The following B3GALT1 variants were observed in gnomAD, a reference collection of about 807,000 sequenced individuals.
The protein encoded by B3GALT1 is beta-1,3-galactosyltransferase 1, also known as UDP-Gal:betaGlcNAc beta 1,3-galactosyltransferase, polypeptide 1.
B3GALT1 carries 10 observed loss-of-function variants against 23.2 expected under a neutral mutation model. That is an observed-to-expected ratio of 0.43 (90% CI 0.27 to 0.73). The LOEUF (loss-of-function observed/expected upper bound fraction) is 0.73, where lower values mean the gene tolerates loss of function less well. Ranked by LOEUF, B3GALT1 falls within the 30% of genes least tolerant of loss-of-function variation. B3GALT1 has a pLI of 0.21. For synonymous variants in B3GALT1, 156 were observed against 141.5 expected (o/e 1.10, Z -0.73); for missense variants, 299 against 405.4 (o/e 0.74, Z 2.25).
In B3GALT1 at chr2:167,694,384, CAA is replaced by C. The variant is rs371773368; in HGVS notation, c.-352+47419_-352+47420del. On this transcript the variant is annotated intron_variant, in intron 3 of 4. Transcript: ENST00000392690. Reference sequence around the variant, plus strand: ...AGATATTTATTTTTGGCTTATACCTCAAGAGAGGTCAAATAATCAAGTGAAAT... The same window carrying C: ...AGATATTTATTTTTGGCTTATACCTCGAGAGGTCAAATAATCAAGTGAAAT... 1.8e-4 allele frequency among the ~76,000 whole-genome samples: 28 copies of C among 152,090 alleles called. 1 individual carries two copies. The highest frequency in any genetic ancestry group is 6.0e-4 in the African/African-American group (25 of 41,498).
intron 3 of B3GALT1, among the ~76,000 whole-genome samples, chr2:167,650,175 T>TG (rs922777336): frequency 9.3e-5 from 14 of 151,246 alleles, no homozygotes; most frequent in Non-Finnish European, 2.1e-4. Context: ...AAGAAGACCA[T>TG]TTTTTTTCCT....
At position 167,808,595 on chromosome 2, in the gene B3GALT1, A is replaced by G. The variant is rs182966893; in HGVS notation, c.-351-10077A>G. Among the ~76,000 whole-genome samples, 297 of 151,990 alleles carry G rather than the reference A, an allele frequency of 2.0e-3. 6 individuals are homozygous for G. Among genetic ancestry groups the G allele is most frequent in the African/African-American group, 6.8e-3 (281 of 41,402 alleles). On this transcript the variant is annotated intron_variant, in intron 3 of 4. Transcript: ENST00000392690. ...TGGGTTGAAAATTCTTTTCTTTAAGAATATTGAATGTTGGCCCCCACTCTC... is the reference window on the plus strand; with the variant it reads ...TGGGTTGAAAATTCTTTTCTTTAAGGATATTGAATGTTGGCCCCCACTCTC...
chr2:167,710,659 A>G (rs1451515629), intron 3 of B3GALT1, among the ~76,000 whole-genome samples: 3 of 152,224 alleles, frequency 2.0e-5, no homozygotes, highest in Admixed American at 6.5e-5. Context: ...AATTTCATCA[A>G]GTGAGCTCCC....
At chr2:167,448,624 C>T (rs552606301) in intron 1 of B3GALT1, among the ~76,000 whole-genome samples, 4 of 152,156 alleles carry the variant, frequency 2.6e-5, no homozygotes, top group African/African-American at 9.6e-5. Context: ...TTAATTAAGT[C>T]CCACCTATTT....
intron 1 of B3GALT1, among the ~76,000 whole-genome samples, chr2:167,450,580 T>A (rs1442054210): frequency 6.6e-6 from 1 of 152,204 alleles, no homozygotes; most frequent in Non-Finnish European, 1.5e-5. Context: ...ATCTCATAGA[T>A]TTTCTCTGTA....
At chr2:167,681,995 G>A (rs1686538544) in intron 3 of B3GALT1, among the ~76,000 whole-genome samples, 1 of 152,132 alleles carries the variant, frequency 6.6e-6, no homozygotes, top group South Asian at 2.1e-4. Flanking sequence ...CTAAAATAAT[G>A]AATTTTTGTT....
intron 3 of B3GALT1, among the ~76,000 whole-genome samples, chr2:167,784,507 A>C (rs1688307382): frequency 6.6e-6 from 1 of 152,240 alleles, no homozygotes; most frequent in African/African-American, 2.4e-5. Context: ...CCTTAAGCTA[A>C]GTATTCCCAC....
chr2:167,489,224 G>A (rs1699668666), intron 1 of B3GALT1, among the ~76,000 whole-genome samples: 1 of 152,124 alleles, frequency 6.6e-6, no homozygotes, highest in Non-Finnish European at 1.5e-5. Flanking sequence ...CTTCTCCAGT[G>A]TTATACATCA....
chr2:167,498,895 T>C (rs1340654995), intron 2 of B3GALT1, among the ~76,000 whole-genome samples: 2 of 152,140 alleles, frequency 1.3e-5, no homozygotes, highest in Non-Finnish European at 2.9e-5. Context: ...TTTAAATCAG[T>C]GTGTTACTTC....
intron 1 of B3GALT1, among the ~76,000 whole-genome samples, chr2:167,318,233 G>A (rs1176033327): frequency 6.6e-6 from 1 of 151,910 alleles, no homozygotes; most frequent in African/African-American, 2.4e-5. Context: ...GGCTGAGGCA[G>A]AGAATTGCTT....
intron 4 of B3GALT1, among the ~76,000 whole-genome samples, chr2:167,832,459 G>A (rs1050074668): frequency 6.6e-6 from 1 of 152,012 alleles, no homozygotes; most frequent in Admixed American, 6.5e-5. Context: ...ATGGGAATGG[G>A]GACAAAATAA....
chr2:167,770,619 G>A lies in B3GALT1; in HGVS notation c.-351-48053G>A, dbSNP rs112707620. On this transcript the variant is annotated intron_variant, in intron 3 of 4. Coordinates refer to ENST00000392690, the MANE Select transcript of B3GALT1 (RefSeq NM_020981.4). ...CTTTCTCAAAGCAAAAATTGTTAAC[G>A]TTGATAAAGTCTAATTTACCAATTT... Among the ~76,000 whole-genome samples the A allele has an allele frequency of 3.9e-5, 6 of 152,066 alleles. No homozygotes were observed. In the South Asian group the frequency reaches 6.2e-4, roughly 16 times the overall value.
At chr2:167,435,249 A>C (rs2030655) in intron 1 of B3GALT1, among the ~76,000 whole-genome samples, 13,048 of 151,604 alleles carry the variant, frequency 0.086, 1,444 homozygotes, top group African/African-American at 0.26. Context: ...GAGGATTTAT[A>C]TACTTGTTTA....
At chr2:167,554,614 A>G (rs757404320) in intron 2 of B3GALT1, among the ~76,000 whole-genome samples, 2 of 152,178 alleles carry the variant, frequency 1.3e-5, no homozygotes, top group East Asian at 1.9e-4. Context: ...AGTGTATGCA[A>G]TAAGAGTAAA....
intron 3 of B3GALT1, among the ~76,000 whole-genome samples, chr2:167,647,427 TC>T (rs369483387): frequency 1.3e-5 from 2 of 152,308 alleles, no homozygotes; most frequent in Non-Finnish European, 2.9e-5. Flanking sequence ...AGTCTTTGTT[TC>T]TTCATCCTTC....
chr2:167,332,622 G>T (rs1696991219), intron 1 of B3GALT1, among the ~76,000 whole-genome samples: 1 of 152,172 alleles, frequency 6.6e-6, no homozygotes, highest in South Asian at 2.1e-4. Flanking sequence ...AGATCATACA[G>T]GATGTACTTT....
chr2:167,694,472 T>C (rs1291049209), intron 3 of B3GALT1, among the ~76,000 whole-genome samples: 1 of 152,166 alleles, frequency 6.6e-6, no homozygotes, highest in Non-Finnish European at 1.5e-5. Flanking sequence ...CTCTCAATGT[T>C]TTCTATCTAA....
At chr2:167,319,620 A>C (rs1191500387) in intron 1 of B3GALT1, among the ~76,000 whole-genome samples, 3 of 152,132 alleles carry the variant, frequency 2.0e-5, no homozygotes, top group East Asian at 1.9e-4. Flanking sequence ...CATGAAAAAC[A>C]AGCAAAAAAG....
chr2:167,315,991 G>A (rs918520930), intron 1 of B3GALT1, among the ~76,000 whole-genome samples: 3 of 152,030 alleles, frequency 2.0e-5, no homozygotes, highest in Non-Finnish European at 2.9e-5. Flanking sequence ...AGAGTGTAAG[G>A]AGAAATGTAC....
Sources: gnomAD v4.1 joint callset for allele counts (sites outside exome capture counted in the v4.1 genomes callset) on GRCh38, gnomAD v4.1.1 for gene constraint, MANE v1.5 for transcripts, NCBI Gene and HGNC (gene_info 2026-07-23, HGNC 2026-07-21) for gene names.